Variants in GZMA observed in about 807,000 individuals in gnomAD.
GZMA encodes the protein granzyme A, also known as CTL tryptase.
A neutral mutation model predicts 21.1 loss-of-function variants in GZMA; 17 were observed. The ratio of observed to expected loss-of-function variants is 0.81; its 90% CI spans 0.55 to 1.21. The LOEUF is 1.21. Ranked by LOEUF, GZMA falls within the 50% of genes most tolerant of loss-of-function variation. The probability of loss-of-function intolerance (pLI) is 0.00; values close to 1 mark genes in which losing one functional copy is unlikely to be tolerated. For missense variants in GZMA, 306 were observed against 315.9 expected (o/e 0.97, Z 0.24); for synonymous variants, 90 against 107.8 (o/e 0.83, Z 1.03).
Position 55,107,414 on chromosome 5 carries a change from C to T in GZMA, c.216-380C>T, listed in dbSNP as rs141851990. ...CTTTACAACTATTGGCTGCTTTTTG[C>T]TTCTGTCTCTGGACTACTGAGATCT... On this transcript the variant is annotated intron_variant, in intron 2 of 4. Transcript: ENST00000274306. Among the ~76,000 whole-genome samples, 919 of 152,228 alleles carry T rather than the reference C, an allele frequency of 6.0e-3. 10 individuals are homozygous for T. The highest frequency in any genetic ancestry group is 0.021 in the African/African-American group (865 of 41,548).
Position 55,105,587 on chromosome 5 carries a change from G to A in GZMA, c.184G>A (p.Asp62Asn), listed in dbSNP as rs1480157277. The A allele has an allele frequency of 6.2e-7, 1 of 1,613,936 alleles. No individual in the cohort carries two copies. The highest frequency in any genetic ancestry group is 8.5e-7 in the Non-Finnish European group (1 of 1,179,860). Residue 62 changes from aspartate (D) to asparagine (N), a missense_variant, in exon 2 of 5, where the codon GAC becomes AAC. Coordinates refer to ENST00000274306, the MANE Select transcript of GZMA (RefSeq NM_006144.4). ...TICAGALIAK[D>N]WVLTAAHCNL... ...CTGTGCTGGGGCTTTGATTGCAAAA[G>A]ACTGGGTGTTGACTGCAGCTCACTG...
intron 4 of GZMA, 67 bp downstream of exon 4, chr5:55,108,461 T>C (rs1742452318): frequency 7.5e-7 from 1 of 1,336,150 alleles, no homozygotes. Context: ...AAATGTAATG[T>C]CATGCTTTGT....
At chr5:55,108,504 G>T in intron 4 of GZMA, 110 bp downstream of exon 4, 1 of 839,408 alleles carries the variant, frequency 1.2e-6, no homozygotes, top group Non-Finnish European at 1.9e-6. Context: ...CAGGATCCTA[G>T]AGCTTTTTGA....
chr5:55,107,110 G>A (rs1437422875), intron 2 of GZMA, among the ~76,000 whole-genome samples: 2 of 152,204 alleles, frequency 1.3e-5, no homozygotes, highest in Non-Finnish European at 2.9e-5. Flanking sequence ...AAGAGGCAGT[G>A]TGCATAATCT....
At position 55,110,184 on chromosome 5, in the gene GZMA, T is replaced by TG; in HGVS notation, c.*2_*3insG. The TG allele has an allele frequency of 6.3e-7, 1 of 1,577,662 alleles. No individual in the cohort carries two copies. Among genetic ancestry groups the TG allele is most frequent in the South Asian group, 1.2e-5 (1 of 85,646 alleles). On this transcript the variant is annotated 3_prime_UTR_variant, in exon 5 of 5. Transcript: ENST00000274306. The stretch of plus-strand genomic sequence containing the variant: ...ATGACTATCAAGGGAGCAGTTTAAA[T>TG]AACCGTTTCCTTTCATTTACTGTGG...
rs1580328164 is a variant in GZMA at position 55,106,070 on chromosome 5, T to TAAATA, written c.215+495_215+499dup. On this transcript the variant is annotated intron_variant, in intron 2 of 4. Coordinates refer to ENST00000274306, the MANE Select transcript of GZMA (RefSeq NM_006144.4). ...TAAAATAAAATAAAATAAAATAAAATAAATAAAATAAAATAAAATAAAATA... is the reference window on the plus strand; with the variant it reads ...TAAAATAAAATAAAATAAAATAAAATAAATAAAATAAAATAAAATAAAATAAAATA... 2.2e-3 allele frequency among the ~76,000 whole-genome samples: 4 copies of TAAATA among 1,812 alleles called. 2 individuals carry two copies. Among genetic ancestry groups the TAAATA allele is most frequent in the African/African-American group, 9.1e-3 (4 of 440 alleles). The allele number at this position is 1,812 out of a possible 152,430, so 1.2% of individuals were successfully genotyped here.
Position 55,105,513 on chromosome 5 carries a change from C to G in GZMA, c.110C>G (p.Pro37Arg), listed in dbSNP as rs1418289214. 4 of 1,610,506 alleles carry G rather than the reference C, an allele frequency of 2.5e-6. No homozygotes were observed. Among genetic ancestry groups the G allele is most frequent in the African/African-American group, 1.3e-5 (1 of 74,802 alleles). The change falls in exon 2 of 5, where the codon CCT becomes CGT. Residue 37 changes from proline (P) to arginine (R), a missense_variant. Pro to Arg is a moderately radical substitution (Grantham distance 103). Coordinates refer to ENST00000274306, the MANE Select transcript of GZMA (RefSeq NM_006144.4). Reference protein sequence around the residue: ...EKIIGGNEVTPHSRPYMVLLS... With the variant: ...EKIIGGNEVTRHSRPYMVLLS... Reference sequence around the variant, plus strand: ...ATTATTGGAGGAAATGAAGTAACTCCTCATTCAAGACCCTACATGGTCCTA... The same window carrying G: ...ATTATTGGAGGAAATGAAGTAACTCGTCATTCAAGACCCTACATGGTCCTA...
chr5:55,110,146 C>A lies in GZMA; in HGVS notation c.753C>A (p.Leu251=). The A allele has an allele frequency of 6.2e-7, 1 of 1,608,646 alleles. No homozygotes were observed. The highest frequency in any genetic ancestry group is 8.5e-7 in the Non-Finnish European group (1 of 1,177,128). ...ATATTCTTCTCTCAAAGAAACACCT[C>A]AACTGGATAATTATGACTATCAAGG... The part of the protein sequence containing the change: ...GVYILLSKKH[L]NWIIMTIKGA... The change falls in exon 5 of 5, where the codon CTC becomes CTA. Residue 251 remains leucine (L), a synonymous_variant. Coordinates refer to ENST00000274306, the MANE Select transcript of GZMA (RefSeq NM_006144.4).
intron 2 of GZMA, among the ~76,000 whole-genome samples, chr5:55,107,295 C>G (rs544080578): frequency 6.6e-6 from 1 of 152,316 alleles, no homozygotes; most frequent in African/African-American, 2.4e-5. Context: ...ACACTCAATG[C>G]CAAGCAAATA....
At position 55,102,929 on chromosome 5, in the gene GZMA, A is replaced by G. The variant is rs374703742; in HGVS notation, c.70+177A>G. ...GTAGTCCCAGCTACTAGGAACGCTG[A>G]GGTGGAAGGATCACTTGAGCGCAGG... is the stretch of plus-strand genomic sequence containing the variant. On this transcript the variant is annotated intron_variant, in intron 1 of 4. Transcript: ENST00000274306. Among the ~76,000 whole-genome samples, 47 of 152,134 alleles carry G rather than the reference A, an allele frequency of 3.1e-4. No homozygotes were observed. In the South Asian group the frequency reaches 9.1e-3, roughly 30 times the overall value.
intron 4 of GZMA, among the ~76,000 whole-genome samples, chr5:55,109,808 T>C (rs922482084): frequency 6.6e-6 from 1 of 152,226 alleles, no homozygotes; most frequent in East Asian, 1.9e-4. Context: ...CAAGTTTCAC[T>C]TCGATTTTCA....
rs907128511 is a variant in GZMA, at chr5:55,108,281, A to T, written c.514A>T (p.Thr172Ser). 33 of 1,613,580 alleles carry T rather than the reference A, an allele frequency of 2.0e-5. No homozygotes were observed. The highest frequency in any genetic ancestry group is 2.8e-5 in the Non-Finnish European group (33 of 1,179,544). The stretch of plus-strand genomic sequence containing the variant: ...CGATACTCTGAGAGAAGTCAATATC[A>T]CCATCATAGACAGAAAAGTCTGCAA... ...WSDTLREVNI[T>S]IIDRKVCNDR... Residue 172 changes from threonine to serine, a missense_variant, in exon 4 of 5, where the codon ACC (threonine) becomes TCC (serine). Transcript: ENST00000274306.
chr5:55,105,636 TA>T lies in GZMA; in HGVS notation c.215+26del, dbSNP rs201151342. ...TGTAACTTGTAAGTGCCTGGGTTTTTAAAAAAAAGTTTGTAAAGATACTCTA... is the reference window on the plus strand; with the variant it reads ...TGTAACTTGTAAGTGCCTGGGTTTTTAAAAAAAGTTTGTAAAGATACTCTA... On this transcript the variant is annotated intron_variant, in intron 2 of 4. Coordinates refer to ENST00000274306, the MANE Select transcript of GZMA (RefSeq NM_006144.4). 4.1e-5 allele frequency: 66 copies of T among 1,603,824 alleles called. No individual in the cohort carries two copies. The highest frequency in any genetic ancestry group is 2.0e-4 in the East Asian group (9 of 44,742).
rs768804572 is a variant in GZMA at position 55,110,189 on chromosome 5, G to A, written c.*7G>A. On this transcript the variant is annotated 3_prime_UTR_variant, in exon 5 of 5. Transcript: ENST00000274306. ...TATCAAGGGAGCAGTTTAAATAACC[G>A]TTTCCTTTCATTTACTGTGGCTTCT... 18 of 1,564,438 alleles carry A rather than the reference G, an allele frequency of 1.2e-5. 1 individual carries two copies. The highest frequency in any genetic ancestry group is 5.9e-5 in the South Asian group (5 of 84,460).
At chr5:55,108,817 CA>C (rs370482118) in intron 4 of GZMA, among the ~76,000 whole-genome samples, 8 of 152,280 alleles carry the variant, frequency 5.3e-5, no homozygotes, top group African/African-American at 1.9e-4. Flanking sequence ...TGCCATTTAA[CA>C]TCGGCATGTC....
At position 55,105,552 on chromosome 5, in the gene GZMA, G is replaced by A. The variant is rs1742372615; in HGVS notation, c.149G>A (p.Arg50Lys). 5 of 1,613,580 alleles carry A rather than the reference G, an allele frequency of 3.1e-6. No individual in the cohort carries two copies. The highest frequency in any genetic ancestry group is 1.7e-4 in the Middle Eastern group (1 of 6,058). Residue 50 changes from arginine (R) to lysine (K), a missense_variant, in exon 2 of 5, where the codon AGA becomes AAA. Arg to Lys is a conservative substitution (Grantham distance 26). Coordinates refer to ENST00000274306, the MANE Select transcript of GZMA (RefSeq NM_006144.4). ...TACATGGTCCTACTTAGTCTTGACA[G>A]AAAAACCATCTGTGCTGGGGCTTTG... ...RPYMVLLSLD[R>K]KTICAGALIA...
intron 1 of GZMA, among the ~76,000 whole-genome samples, chr5:55,105,240 C>A (rs1742367004): frequency 6.6e-6 from 1 of 152,160 alleles, no homozygotes; most frequent in Non-Finnish European, 1.5e-5. Flanking sequence ...CCTAATGATC[C>A]TGGAACAGTC....
intron 4 of GZMA, 138 bp downstream of exon 4, chr5:55,108,532 C>T (rs1314371916): frequency 3.0e-6 from 2 of 657,018 alleles, no homozygotes; most frequent in East Asian, 5.6e-5. Context: ...TTAATAAAAC[C>T]CCAGTCAAAT....
rs565866692 is a variant in GZMA, at chr5:55,108,244, T to C, written c.477T>C (p.Ser159=). The C allele has an allele frequency of 6.2e-7, 1 of 1,613,974 alleles. No individual in the cohort carries two copies. Among genetic ancestry groups the C allele is most frequent in the Non-Finnish European group, 8.5e-7 (1 of 1,179,920 alleles). Residue 159 remains serine (S), a synonymous_variant, in exon 4 of 5, where the codon AGT becomes AGC. Transcript: ENST00000274306. ...CAGGGTGGGGCAGGACTCACAATAG[T>C]GCATCTTGGTCCGATACTCTGAGAG... is the stretch of plus-strand genomic sequence containing the variant. ...QVAGWGRTHN[S]ASWSDTLREV... is the part of the protein sequence containing the mutation.
Sources: gnomAD v4.1 joint callset for allele counts (sites outside exome capture counted in the v4.1 genomes callset) on GRCh38, gnomAD v4.1.1 for gene constraint, MANE v1.5 for transcripts, NCBI Gene and HGNC (gene_info 2026-07-23, HGNC 2026-07-21) for gene names.